Variants in ADGRL3 observed in about 807,000 individuals in gnomAD.
ADGRL3 encodes the protein calcium-independent alpha-latrotoxin receptor 3.
A neutral mutation model predicts 153.5 loss-of-function variants in ADGRL3; 62 were observed. That is an observed-to-expected ratio of 0.40 (90% CI 0.33 to 0.50). The LOEUF (loss-of-function observed/expected upper bound fraction) is 0.50. Ranked by LOEUF, ADGRL3 falls within the 20% of genes least tolerant of loss-of-function variation. The pLI is 0.47. For missense variants in ADGRL3, 1,641 were observed against 1,859.4 expected (o/e 0.88, Z 2.16); for synonymous variants, 710 against 672.5 (o/e 1.06, Z -0.86).
intron 5 of ADGRL3, among the ~76,000 whole-genome samples, chr4:61,648,450 G>A (rs1378327654): frequency 1.4e-5 from 2 of 146,172 alleles, no homozygotes. Context: ...AGGTCAGTAA[G>A]TTAATCAAGT....
chr4:61,947,680 A>G (rs952188715), intron 16 of ADGRL3, among the ~76,000 whole-genome samples: 11 of 152,194 alleles, frequency 7.2e-5, no homozygotes, highest in African/African-American at 2.2e-4. Flanking sequence ...TCTATATTTG[A>G]TATTTCAAGC....
intron 6 of ADGRL3, among the ~76,000 whole-genome samples, chr4:61,711,491 T>TATATATATATATACAC (rs757078842): frequency 1.1e-5 from 1 of 89,210 alleles, no homozygotes; most frequent in African/African-American, 4.0e-5. Flanking sequence ...TATATATATA[T>TATATATATATATACAC]ACACACACAC....
At chr4:62,035,194 A>C (rs17239226) in intron 23 of ADGRL3, among the ~76,000 whole-genome samples, 1 of 151,962 alleles carries the variant, frequency 6.6e-6, no homozygotes, top group Non-Finnish European at 1.5e-5. Flanking sequence ...TCAGTAAGTA[A>C]TGTAGCTAAT....
At chr4:61,784,873 T>C (rs1275455422) in intron 8 of ADGRL3, among the ~76,000 whole-genome samples, 2 of 152,144 alleles carry the variant, frequency 1.3e-5, no homozygotes, top group Non-Finnish European at 1.5e-5. Context: ...GCTTCACTGC[T>C]TTCTAGTTAT....
chr4:61,453,247 A>G (rs968297927), intron 2 of ADGRL3, among the ~76,000 whole-genome samples: 3 of 152,182 alleles, frequency 2.0e-5, no homozygotes, highest in African/African-American at 7.2e-5. Context: ...TGAGAAATAT[A>G]TAACAGATAT....
At chr4:61,533,423 A>G (rs987605809) in intron 4 of ADGRL3, among the ~76,000 whole-genome samples, 2 of 152,116 alleles carry the variant, frequency 1.3e-5, no homozygotes, top group South Asian at 2.1e-4. Flanking sequence ...TGGACAATAT[A>G]TATTTCCTGG....
At chr4:61,627,451 T>C (rs548266361) in intron 5 of ADGRL3, among the ~76,000 whole-genome samples, 3 of 152,042 alleles carry the variant, frequency 2.0e-5, no homozygotes, top group South Asian at 4.2e-4. Context: ...TGAAACCCCC[T>C]CTCTACTAAA....
chr4:61,657,639 A>T (rs1490999069), intron 5 of ADGRL3, among the ~76,000 whole-genome samples: 1 of 152,158 alleles, frequency 6.6e-6, no homozygotes, highest in Non-Finnish European at 1.5e-5. Flanking sequence ...GAACATTTCT[A>T]AAATTTTATT....
intron 4 of ADGRL3, among the ~76,000 whole-genome samples, chr4:61,561,675 A>C (rs1157752819): frequency 1.3e-5 from 2 of 152,200 alleles, no homozygotes; most frequent in African/African-American, 4.8e-5. Flanking sequence ...ATTAGGAAAC[A>C]CACTAACAGT....
chr4:61,790,281 A>C (rs1437335932), intron 8 of ADGRL3, among the ~76,000 whole-genome samples: 1 of 152,134 alleles, frequency 6.6e-6, no homozygotes, highest in Non-Finnish European at 1.5e-5. Context: ...ACAAAGTTCT[A>C]AACCAAATTT....
intron 2 of ADGRL3, among the ~76,000 whole-genome samples, chr4:61,399,679 T>C (rs2096907591): frequency 6.6e-6 from 1 of 151,692 alleles, no homozygotes. Context: ...CCCTTAAGCT[T>C]CATGGACCTC....
At chr4:61,916,503 C>G (rs1030846879) in intron 13 of ADGRL3, among the ~76,000 whole-genome samples, 4 of 149,148 alleles carry the variant, frequency 2.7e-5, no homozygotes, top group African/African-American at 1.0e-4. Context: ...AAGTTTTATA[C>G]TAGAGAAAAC....
At chr4:61,201,918 C>A (rs1053305301) in intron 1 of ADGRL3, among the ~76,000 whole-genome samples, 153 bp downstream of exon 1, 2 of 152,112 alleles carry the variant, frequency 1.3e-5, no homozygotes, top group Non-Finnish European at 2.9e-5. Context: ...CACACTCATC[C>A]GGTCGTGGTG....
chr4:62,008,999 G>A (rs900158643), intron 21 of ADGRL3, among the ~76,000 whole-genome samples: 3 of 152,052 alleles, frequency 2.0e-5, no homozygotes, highest in African/African-American at 7.2e-5. Flanking sequence ...TATAGCCTAA[G>A]AACAATAAGC....
Position 61,286,369 on chromosome 4 carries a change from G to T in ADGRL3, c.-240+84604G>T, listed in dbSNP as rs1192829546. 2.0e-5 allele frequency among the ~76,000 whole-genome samples: 3 copies of T among 150,102 alleles called. No individual in the cohort carries two copies. The Admixed American group carries it at 2.0e-4, about 10-fold the overall frequency. ...GTTTAGTATCTTTTTCAGCAATTAAGATTTTCACCTCATCATGCTAGCTAG... is the reference window on the plus strand; with the variant it reads ...GTTTAGTATCTTTTTCAGCAATTAATATTTTCACCTCATCATGCTAGCTAG... On this transcript the variant is annotated intron_variant, in intron 1 of 26. Coordinates refer to ENST00000683033, the MANE Select transcript of ADGRL3 (RefSeq NM_001387552.1).
intron 1 of ADGRL3, among the ~76,000 whole-genome samples, chr4:61,347,686 G>T (rs891027004): frequency 6.6e-6 from 1 of 151,810 alleles, no homozygotes; most frequent in African/African-American, 2.4e-5. Flanking sequence ...GAAAAAAAAT[G>T]TTGAAGTCCT....
At chr4:61,929,077 G>C (rs148201452) in intron 13 of ADGRL3, among the ~76,000 whole-genome samples, 1 of 152,224 alleles carries the variant, frequency 6.6e-6, no homozygotes, top group Non-Finnish European at 1.5e-5. Flanking sequence ...TGGTCTGACT[G>C]CTTGTGTCTC....
At chr4:61,762,413 T>C (rs1428794052) in intron 8 of ADGRL3, among the ~76,000 whole-genome samples, 1 of 152,152 alleles carries the variant, frequency 6.6e-6, no homozygotes, top group Non-Finnish European at 1.5e-5. Context: ...ACATATTATT[T>C]AAGATTTTCC....
chr4:61,701,026 C>T (rs192441793), intron 6 of ADGRL3, among the ~76,000 whole-genome samples: 6 of 152,238 alleles, frequency 3.9e-5, no homozygotes, highest in Admixed American at 3.9e-4. Context: ...AATACTGTCA[C>T]TCAGAAATGA....
Sources: allele counts gnomAD v4.1 joint callset (sites outside exome capture counted in the v4.1 genomes callset), GRCh38; gene constraint gnomAD v4.1.1; transcripts MANE v1.5; gene names NCBI Gene and HGNC (gene_info 2026-07-23, HGNC 2026-07-21).